Variants in KCNH1 observed in about 807,000 individuals in gnomAD.
The protein encoded by KCNH1 is voltage-gated delayed rectifier potassium channel KCNH1.
KCNH1 carries 27 observed loss-of-function variants against 69.2 expected under a neutral mutation model. The observed-to-expected ratio is 0.39, with a 90% CI of 0.29 to 0.54. KCNH1 has a LOEUF of 0.54. Among genes scored for constraint, KCNH1 ranks in the 20% least tolerant of loss-of-function variants. The pLI is 0.68. For missense variants in KCNH1, 798 were observed against 1,261.6 expected (o/e 0.63, Z 5.57); for synonymous variants, 456 against 487.7 (o/e 0.93, Z 0.86).
intron 1 of KCNH1, among the ~76,000 whole-genome samples, chr1:211,126,782 A>G (rs1691785328): frequency 6.6e-6 from 1 of 152,104 alleles, no homozygotes; most frequent in South Asian, 2.1e-4. Flanking sequence ...ACTCACACCA[A>G]TGGATGAGCA....
chr1:211,070,595 A>G (rs567719341), intron 5 of KCNH1, among the ~76,000 whole-genome samples: 21 of 151,930 alleles, frequency 1.4e-4, no homozygotes, highest in Admixed American at 3.9e-4. Context: ...AGGCCAAGGC[A>G]GGCAGATCAC....
intron 6 of KCNH1, among the ~76,000 whole-genome samples, chr1:210,973,060 G>A (rs1228852937): frequency 2.0e-5 from 3 of 151,584 alleles, no homozygotes; most frequent in Non-Finnish European, 4.4e-5. Context: ...GAACTTCAAT[G>A]ACTCTTCCTC....
At chr1:211,025,959 T>C (rs1214826626) in intron 5 of KCNH1, among the ~76,000 whole-genome samples, 3 of 152,312 alleles carry the variant, frequency 2.0e-5, no homozygotes, top group African/African-American at 7.2e-5. Flanking sequence ...TAGTCTGGGC[T>C]TCTAGAGTTC....
chr1:210,862,338 C>T, intron 7 of KCNH1: 1 of 703,984 alleles, frequency 1.4e-6, no homozygotes. Context: ...CCAGGAATAG[C>T]ACTACTCACT....
At chr1:211,102,551 C>G (rs1691276703) in intron 3 of KCNH1, among the ~76,000 whole-genome samples, 1 of 152,212 alleles carries the variant, frequency 6.6e-6, no homozygotes, top group Non-Finnish European at 1.5e-5. Flanking sequence ...GTGCAAATCT[C>G]TCAGACCAGT....
intron 4 of KCNH1, among the ~76,000 whole-genome samples, chr1:211,085,921 G>C (rs962961913): frequency 3.3e-5 from 5 of 152,126 alleles, no homozygotes; most frequent in Admixed American, 2.0e-4. Flanking sequence ...GTCATTTTCC[G>C]CATGATTCAT....
chr1:210,683,647 C>G lies in KCNH1; in HGVS notation c.2604G>C (p.Ala868=). Residue 868 remains alanine, a synonymous_variant, in exon 11 of 11, where the codon GCG becomes GCC. Coordinates refer to ENST00000271751, the MANE Select transcript of KCNH1 (RefSeq NM_172362.3). The surrounding 1 kb of genome is among the most constrained non-coding windows in gnomAD (Gnocchi z 5.7). The part of the protein sequence containing the change: ...SMETLPERTK[A]SGEATLKKTD... ...TCTTCTTCAGTGTGGCCTCGCCTGA[C>G]GCTTTTGTCCTCTCGGGAAGTGTCT... 6.2e-7 allele frequency: 1 copy of G among 1,614,230 alleles called. No individual in the cohort carries two copies. Among genetic ancestry groups the G allele is most frequent in the Non-Finnish European group, 8.5e-7 (1 of 1,180,046 alleles).
chr1:210,936,191 T>C (rs1196948521), intron 6 of KCNH1, among the ~76,000 whole-genome samples: 1 of 152,158 alleles, frequency 6.6e-6, no homozygotes, highest in Non-Finnish European at 1.5e-5. Context: ...CTTTTTACAG[T>C]TTCCTGATTG....
chr1:210,985,206 A>C (rs2102382662), intron 6 of KCNH1, among the ~76,000 whole-genome samples: 1 of 151,928 alleles, frequency 6.6e-6, no homozygotes, highest in Admixed American at 6.6e-5. Flanking sequence ...GTAGTCTATC[A>C]ATTTTGTTGA....
chr1:211,060,400 C>CAAAAA (rs60620622), intron 5 of KCNH1, among the ~76,000 whole-genome samples: 25 of 44,324 alleles, frequency 5.6e-4, no homozygotes, highest in Admixed American at 1.5e-3. Context: ...GACTCCGTCT[C>CAAAAA]AAAAAAAAAA....
chr1:210,820,710 C>T (rs1408475681), intron 7 of KCNH1, among the ~76,000 whole-genome samples: 2 of 151,982 alleles, frequency 1.3e-5, no homozygotes, highest in African/African-American at 4.8e-5. Context: ...TGTGGATTAT[C>T]CAGATGGATC....
At chr1:210,686,385 T>G (rs1325034994) in intron 10 of KCNH1, among the ~76,000 whole-genome samples, 1 of 152,210 alleles carries the variant, frequency 6.6e-6, no homozygotes, top group Non-Finnish European at 1.5e-5. Context: ...CTGATTCCAA[T>G]GTGCTCTAAG....
At chr1:210,861,511 T>A (rs2102481606) in intron 7 of KCNH1, 2 of 774,040 alleles carry the variant, frequency 2.6e-6, no homozygotes, top group East Asian at 4.9e-5. Flanking sequence ...ATTTCCATTA[T>A]GATAACTCAG....
chr1:210,710,915 T>A (rs1480638604), intron 10 of KCNH1, among the ~76,000 whole-genome samples: 1 of 152,100 alleles, frequency 6.6e-6, no homozygotes, highest in Admixed American at 6.5e-5. Flanking sequence ...CAATTAAGGG[T>A]CATCACAAGG....
At chr1:210,698,329 T>G (rs1459240097) in intron 10 of KCNH1, among the ~76,000 whole-genome samples, 1 of 151,914 alleles carries the variant, frequency 6.6e-6, no homozygotes, top group East Asian at 1.9e-4. Flanking sequence ...TCCCACAGCT[T>G]ACCCCGTGGG....
At chr1:210,719,760 A>C (rs1682408371) in intron 10 of KCNH1, among the ~76,000 whole-genome samples, 3 of 152,206 alleles carry the variant, frequency 2.0e-5, no homozygotes, top group Admixed American at 1.3e-4. Flanking sequence ...ATGTGGAATA[A>C]GATGAATAAT....
At chr1:211,104,965 G>A (rs374080058) in intron 2 of KCNH1, among the ~76,000 whole-genome samples, 2 of 152,186 alleles carry the variant, frequency 1.3e-5, no homozygotes, top group East Asian at 3.8e-4. Flanking sequence ...TACCAGAACA[G>A]CCTTGGGCTT....
intron 6 of KCNH1, 31 bp downstream of exon 6, chr1:211,018,752 G>A (rs977681237): frequency 2.0e-6 from 3 of 1,523,598 alleles, no homozygotes; most frequent in Non-Finnish European, 1.8e-6. Flanking sequence ...TTAAAGACAT[G>A]ACAACAAGGT....
intron 6 of KCNH1, among the ~76,000 whole-genome samples, chr1:210,938,531 A>C (rs980525615): frequency 1.3e-5 from 2 of 152,226 alleles, no homozygotes; most frequent in African/African-American, 4.8e-5. Flanking sequence ...AAATTCCTTT[A>C]GTTTAGCAAA....
Sources: allele counts gnomAD v4.1 joint callset (sites outside exome capture counted in the v4.1 genomes callset), GRCh38; gene constraint gnomAD v4.1.1; non-coding constraint Gnocchi (gnomAD v3.1); transcripts MANE v1.5; gene names NCBI Gene and HGNC (gene_info 2026-07-23, HGNC 2026-07-21).